The following LIPG variants were observed in gnomAD, a reference collection of about 807,000 sequenced individuals.
LIPG encodes endothelial lipase.
Under a neutral mutation model 51.8 loss-of-function variants are expected in LIPG, and 34 were observed. That is an observed-to-expected ratio of 0.66 (90% CI 0.50 to 0.87). LIPG has a LOEUF of 0.87. Ranked by LOEUF, LIPG falls within the 40% of genes least tolerant of loss-of-function variation. The pLI, the probability that LIPG is intolerant of heterozygous loss-of-function variation, is 0.00. For synonymous variants in LIPG, 246 were observed against 246.1 expected (o/e 1.00, Z 0.00); for missense variants, 580 against 652.7 (o/e 0.89, Z 1.21).
rs141093353 is a variant in LIPG at position 49,580,149 on chromosome 18, G to A, written c.794-1266G>A. Reference sequence around the variant, plus strand: ...TTCTTAAGGCTGCTGGTGCCAATGAGGCAGGGTTGGGGTTGGTTATGCCAA... The same window carrying A: ...TTCTTAAGGCTGCTGGTGCCAATGAAGCAGGGTTGGGGTTGGTTATGCCAA... On this transcript the variant is annotated intron_variant, in intron 5 of 9. Coordinates refer to ENST00000261292, the MANE Select transcript of LIPG (RefSeq NM_006033.4). Among the ~76,000 whole-genome samples the A allele has an allele frequency of 5.8e-4, 88 of 152,248 alleles. No individual in the cohort carries two copies. In the Middle Eastern group the frequency reaches 0.024, roughly 41 times the overall value.
At chr18:49,563,738 A>C (rs2148846680) in intron 1 of LIPG, among the ~76,000 whole-genome samples, 1 of 152,158 alleles carries the variant, frequency 6.6e-6, no homozygotes, top group African/African-American at 2.4e-5. Flanking sequence ...AGCCATGAGG[A>C]CATCTGGGTG....
In LIPG at chr18:49,596,429, T is replaced by A. The variant is rs1157370474; in HGVS notation, c.*5907T>A. ...TGGGTGGATCACCTGAGGTCAGGAG[T>A]TTGAGACCAGCCTGGCCAATGTGGT... is the stretch of plus-strand genomic sequence containing the variant. On this transcript the variant is annotated 3_prime_UTR_variant, in exon 10 of 10. Transcript: ENST00000261292. The A allele has an allele frequency of 6.7e-6, 1 of 149,806 alleles. No homozygotes were observed. The highest frequency in any genetic ancestry group is 1.5e-5 in the Non-Finnish European group (1 of 67,468). 9.3% of individuals were successfully genotyped at this position (149,806 alleles called of 1,614,324 possible).
chr18:49,561,973 C>T (rs972283442), upstream of LIPG: 1 of 1,387,844 alleles, frequency 7.2e-7, no homozygotes, highest in Admixed American at 3.1e-5. Context: ...AGCCCAGAGA[C>T]GGGAATAAAT....
upstream of LIPG, chr18:49,561,633 A>C: frequency 8.4e-7 from 1 of 1,196,724 alleles, no homozygotes; most frequent in Non-Finnish European, 1.0e-6. Flanking sequence ...CTCCCGGCCC[A>C]GGGAGCGGAT....
At chr18:49,567,744 T>A in intron 3 of LIPG, 123 bp downstream of exon 3, 1 of 955,296 alleles carries the variant, frequency 1.0e-6, no homozygotes, top group Non-Finnish European at 1.5e-6. Context: ...TCTTTGAGAT[T>A]AAAAGTTTTA....
chr18:49,597,482 TCAAA>T lies in LIPG; in HGVS notation c.*6965_*6968del, dbSNP rs2084988725. On this transcript the variant is annotated 3_prime_UTR_variant, in exon 10 of 10. Transcript: ENST00000261292. ...AATATGTAAATAAAAGGAATAAGAA[TCAAA>T]CAAATATAAATCAGGGCTCAAGTCA... 6.6e-6 allele frequency: 1 copy of T among 152,174 alleles called. No homozygotes were observed. The highest frequency in any genetic ancestry group is 1.5e-5 in the Non-Finnish European group (1 of 68,028). 9.4% of individuals were successfully genotyped at this position (152,174 alleles called of 1,614,324 possible).
Position 49,562,402 on chromosome 18 carries a change from G to T in LIPG, c.94G>T (p.Glu32Ter), listed in dbSNP as rs768343990. The change falls in exon 1 of 10, where the codon GAA (glutamate) becomes TAA (stop). Residue 32 changes from glutamate to a stop codon, truncating the protein, a stop_gained. Coordinates refer to ENST00000261292, the MANE Select transcript of LIPG (RefSeq NM_006033.4). LOFTEE classifies it high-confidence loss of function. ...ACCTTTTGGTCCAGAGGGACGGCTG[G>T]AAGGTAACGTGAATTTGTTTTTATT... Reference protein sequence around the residue: ...PVPFGPEGRLEDKLHKPKATQ... With the variant: ...PVPFGPEGRL 4 of 1,613,762 alleles carry T rather than the reference G, an allele frequency of 2.5e-6. No individual in the cohort carries two copies. The highest frequency in any genetic ancestry group is 3.4e-6 in the Non-Finnish European group (4 of 1,179,810).
intron 5 of LIPG, among the ~76,000 whole-genome samples, chr18:49,578,080 C>T (rs2084747600): frequency 6.9e-6 from 1 of 144,932 alleles, no homozygotes; most frequent in Non-Finnish European, 1.5e-5. Flanking sequence ...GCTGGCCCCC[C>T]ACCTCCCTCC....
At chr18:49,583,899 C>A (rs2084854394) in intron 8 of LIPG, 125 bp downstream of exon 8, 1 of 841,264 alleles carries the variant, frequency 1.2e-6, no homozygotes, top group East Asian at 2.7e-5. Flanking sequence ...GGTAAAACTT[C>A]AAACACCTTT....
Position 49,595,166 on chromosome 18 carries a change from G to A in LIPG, c.*4644G>A, listed in dbSNP as rs565044660. 1.3e-5 allele frequency: 2 copies of A among 152,356 alleles called. No individual in the cohort carries two copies. The highest frequency in any genetic ancestry group is 4.1e-4 in the South Asian group (2 of 4,830). 9.4% of individuals were successfully genotyped at this position (152,356 alleles called of 1,614,324 possible). On this transcript the variant is annotated 3_prime_UTR_variant, in exon 10 of 10. Transcript: ENST00000261292. The stretch of plus-strand genomic sequence containing the variant: ...GAGCCCTCTGCCATGTAAGCTCTCT[G>A]ATGGCACAGATTTTTATCTGGCTTG...
chr18:49,587,591 AAAAG>A (rs1395876180), intron 9 of LIPG, among the ~76,000 whole-genome samples: 1 of 150,786 alleles, frequency 6.6e-6, no homozygotes, highest in Non-Finnish European at 1.5e-5. Flanking sequence ...AAAAAAAAAA[AAAAG>A]AAGCTGACCT....
In LIPG at chr18:49,590,487, A is replaced by T. The variant is rs1398875077; in HGVS notation, c.1482-14A>T. On this transcript the variant is annotated splice_polypyrimidine_tract_variant and intron_variant, in intron 9 of 9. Transcript: ENST00000261292. The stretch of plus-strand genomic sequence containing the variant: ...GTGAGCTAACAAATGCCACTCTCAC[A>T]CGGTTTCTTTCAGTCCCACTGTGGA... The T allele has an allele frequency of 6.2e-7, 1 of 1,600,482 alleles. No individual in the cohort carries two copies. The highest frequency in any genetic ancestry group is 1.3e-5 in the African/African-American group (1 of 74,916).
chr18:49,571,168 G>C (rs745504038), intron 4 of LIPG, among the ~76,000 whole-genome samples: 3 of 152,156 alleles, frequency 2.0e-5, no homozygotes, highest in South Asian at 2.1e-4. Flanking sequence ...CCCCTTGCTG[G>C]TGCAAAGCAG....
At chr18:49,572,678 C>A (rs2148849724) in intron 4 of LIPG, among the ~76,000 whole-genome samples, 1 of 149,358 alleles carries the variant, frequency 6.7e-6, no homozygotes, top group African/African-American at 2.5e-5. Context: ...TTGCAGAGAG[C>A]CGAGACTGGG....
upstream of LIPG, chr18:49,561,692 T>C (rs2084550948): frequency 8.0e-7 from 1 of 1,243,860 alleles, no homozygotes; most frequent in Non-Finnish European, 1.0e-6. Flanking sequence ...GAGGATGCTC[T>C]CCTTCTCCAG....
At chr18:49,588,651 G>C (rs1296689105) in intron 9 of LIPG, among the ~76,000 whole-genome samples, 1 of 152,124 alleles carries the variant, frequency 6.6e-6, no homozygotes, top group Non-Finnish European at 1.5e-5. Context: ...GTGGAGCTAA[G>C]TGAGACAGAG....
intron 1 of LIPG, 81 bp downstream of exon 1, chr18:49,562,486 C>T (rs2084561519): frequency 5.6e-6 from 7 of 1,243,558 alleles, no homozygotes; most frequent in Non-Finnish European, 8.2e-6. Context: ...TCAAACCCTC[C>T]TTGTTCCTAT....
rs747293006 is a variant in LIPG at position 49,562,368 on chromosome 18, G to A, written c.60G>A (p.Gly20=). 1.4e-5 allele frequency: 22 copies of A among 1,614,016 alleles called. No individual in the cohort carries two copies. The East Asian group carries it at 3.8e-4, about 28-fold the overall frequency. The part of the protein sequence containing the change: ...FWSLCYCFAA[G]SPVPFGPEGR... ...GCCTCTGCTATTGCTTTGCTGCGGG[G>A]AGCCCCGTACCTTTTGGTCCAGAGG... Residue 20 remains glycine (G), a synonymous_variant, in exon 1 of 10, where the codon GGG becomes GGA. Transcript: ENST00000261292.
Position 49,583,596 on chromosome 18 carries a change from G to C in LIPG, c.1198G>C (p.Val400Leu). ...GCAGAATGCCACCAACACCTTCCTG[G>C]TCTACACCGAGGAGGACTTGGGAGA... ...IEQNATNTFL[V>L]YTEEDLGDLL... The change falls in exon 8 of 10, where the codon GTC becomes CTC. Residue 400 changes from valine to leucine, a missense_variant. Coordinates refer to ENST00000261292, the MANE Select transcript of LIPG (RefSeq NM_006033.4). The C allele has an allele frequency of 6.2e-7, 1 of 1,614,050 alleles. No homozygotes were observed. The highest frequency in any genetic ancestry group is 8.5e-7 in the Non-Finnish European group (1 of 1,179,990).
Sources: allele counts gnomAD v4.1 joint callset (sites outside exome capture counted in the v4.1 genomes callset), GRCh38; gene constraint gnomAD v4.1.1; transcripts MANE v1.5; gene names NCBI Gene and HGNC (gene_info 2026-07-23, HGNC 2026-07-21).